FSIP1: variants seen among roughly 807,000 people sequenced by gnomAD.
FSIP1 encodes the protein fibrous sheath interacting protein 1, also known as fibrous sheath-interacting protein 1.
A neutral mutation model predicts 60.9 loss-of-function variants in FSIP1; 65 were observed. That is an observed-to-expected ratio of 1.07 (90% confidence interval 0.87 to 1.31). The LOEUF (loss-of-function observed/expected upper bound fraction) is 1.31. Among genes scored for constraint, FSIP1 ranks in the 40% most tolerant of loss-of-function variants. The probability of loss-of-function intolerance (pLI) is 0.00; values close to 1 mark genes in which losing one functional copy is unlikely to be tolerated. For missense variants in FSIP1, 675 were observed against 665.5 expected (o/e 1.01, Z -0.16); for synonymous variants, 209 against 221.2 (o/e 0.94, Z 0.49).
At chr15:39,728,487 A>G (rs529829043) in intron 8 of FSIP1, among the ~76,000 whole-genome samples, 7 of 152,272 alleles carry the variant, frequency 4.6e-5, no homozygotes, top group African/African-American at 1.7e-4. Context: ...AAAGCCACAC[A>G]CCTACAACCA....
At chr15:39,776,312 A>T (rs1227766739) in intron 2 of FSIP1, 87 bp downstream of exon 2, 36 of 1,304,708 alleles carry the variant, frequency 2.8e-5, no homozygotes, top group Admixed American at 6.6e-5. Context: ...GAGAAAATTT[A>T]AAATGGGATG....
At chr15:39,708,053 T>G (rs1177518796) in intron 10 of FSIP1, among the ~76,000 whole-genome samples, 2 of 152,182 alleles carry the variant, frequency 1.3e-5, no homozygotes, top group African/African-American at 4.8e-5. Context: ...TTATGGTGCC[T>G]ATTCTATGAA....
chr15:39,723,775 G>A (rs1896078737), intron 9 of FSIP1, among the ~76,000 whole-genome samples: 1 of 152,226 alleles, frequency 6.6e-6, no homozygotes, highest in Non-Finnish European at 1.5e-5. Context: ...CAACTGATTG[G>A]AACTCATTCA....
intron 8 of FSIP1, among the ~76,000 whole-genome samples, chr15:39,734,003 T>C (rs1016699287): frequency 6.6e-6 from 1 of 152,172 alleles, no homozygotes; most frequent in African/African-American, 2.4e-5. Context: ...AGAAATAATA[T>C]AAGATAATTT....
At chr15:39,639,314 C>A (rs1224443403) in intron 10 of FSIP1, among the ~76,000 whole-genome samples, 4 of 152,122 alleles carry the variant, frequency 2.6e-5, no homozygotes, top group Non-Finnish European at 5.9e-5. Flanking sequence ...GTTCCTCTGA[C>A]TACCTTTTTT....
chr15:39,716,096 A>G (rs529638898), intron 9 of FSIP1, among the ~76,000 whole-genome samples: 4 of 152,296 alleles, frequency 2.6e-5, no homozygotes, highest in Non-Finnish European at 4.4e-5. Flanking sequence ...CTGAATTATT[A>G]TCAGAAATAT....
At chr15:39,691,769 A>G (rs1894610822) in intron 10 of FSIP1, among the ~76,000 whole-genome samples, 1 of 152,160 alleles carries the variant, frequency 6.6e-6, no homozygotes, top group African/African-American at 2.4e-5. Flanking sequence ...AAAGAGAATT[A>G]TCTGTGAATT....
chr15:39,664,402 G>T (rs1003026221), intron 10 of FSIP1, among the ~76,000 whole-genome samples: 10 of 152,244 alleles, frequency 6.6e-5, no homozygotes, highest in African/African-American at 2.4e-4. Context: ...AATTGGTCTA[G>T]AATCCATCCA....
At chr15:39,723,795 T>C (rs922099386) in intron 9 of FSIP1, among the ~76,000 whole-genome samples, 1 of 152,212 alleles carries the variant, frequency 6.6e-6, no homozygotes, top group East Asian at 1.9e-4. Context: ...ATCAACTACA[T>C]AGATACACAG....
chr15:39,685,977 T>C (rs1894356998), intron 10 of FSIP1, among the ~76,000 whole-genome samples: 1 of 152,208 alleles, frequency 6.6e-6, no homozygotes, highest in Non-Finnish European at 1.5e-5. Flanking sequence ...GCTGACATAA[T>C]TAGCTAAAAA....
At chr15:39,717,932 C>A (rs936151491) in intron 9 of FSIP1, among the ~76,000 whole-genome samples, 1 of 152,218 alleles carries the variant, frequency 6.6e-6, no homozygotes, top group African/African-American at 2.4e-5. Context: ...CTAATTACCG[C>A]TCAAGCGCTC....
chr15:39,663,896 G>A (rs910972115), intron 10 of FSIP1, among the ~76,000 whole-genome samples: 2 of 152,156 alleles, frequency 1.3e-5, no homozygotes, highest in Non-Finnish European at 2.9e-5. Context: ...TAGATATTGT[G>A]CAATGGAATG....
At chr15:39,731,792 G>A (rs998553961) in intron 8 of FSIP1, among the ~76,000 whole-genome samples, 4 of 152,128 alleles carry the variant, frequency 2.6e-5, no homozygotes, top group African/African-American at 9.7e-5. Flanking sequence ...CAGACTCCCC[G>A]ACTCAATACT....
intron 10 of FSIP1, among the ~76,000 whole-genome samples, chr15:39,658,818 C>T (rs546643610): frequency 3.4e-4 from 52 of 152,206 alleles, no homozygotes; most frequent in Admixed American, 3.1e-3. Context: ...AGGTATACAC[C>T]CAAGATAACT....
chr15:39,640,053 C>T (rs776474949), intron 10 of FSIP1, among the ~76,000 whole-genome samples: 5 of 152,298 alleles, frequency 3.3e-5, no homozygotes, highest in Admixed American at 6.5e-5. Context: ...TAAATAAATA[C>T]TTAACGTGTA....
chr15:39,687,405 T>C (rs1476227802), intron 10 of FSIP1, among the ~76,000 whole-genome samples: 5 of 152,128 alleles, frequency 3.3e-5, no homozygotes, highest in African/African-American at 1.2e-4. Flanking sequence ...CCACCCGCCT[T>C]GGCCTCCCAA....
At chr15:39,755,524 C>T (rs998963022) in intron 5 of FSIP1, among the ~76,000 whole-genome samples, 4 of 152,102 alleles carry the variant, frequency 2.6e-5, no homozygotes, top group Non-Finnish European at 5.9e-5. Flanking sequence ...CAAGAGATTG[C>T]TAAACAATGC....
intron 10 of FSIP1, among the ~76,000 whole-genome samples, chr15:39,706,767 T>A (rs142375308): frequency 6.6e-6 from 1 of 152,344 alleles, no homozygotes; most frequent in East Asian, 1.9e-4. Flanking sequence ...TAAAAGTAAT[T>A]ACTGTTAAGC....
Position 39,765,576 on chromosome 15 carries a change from G to T in FSIP1, c.465+16C>A. On this transcript the variant is annotated intron_variant, in intron 4 of 11. Transcript: ENST00000350221. ...TTTATTTCTTACATGTCAGCATAAG[G>T]TTAGATAATTCTTACCTTAATTTCT... The T allele has an allele frequency of 6.4e-7, 1 of 1,559,908 alleles. No homozygotes were observed. Among genetic ancestry groups the T allele is most frequent in the Non-Finnish European group, 8.7e-7 (1 of 1,153,982 alleles).
Sources: allele counts gnomAD v4.1 joint callset (sites outside exome capture counted in the v4.1 genomes callset), GRCh38; gene constraint gnomAD v4.1.1; transcripts MANE v1.5; gene names NCBI Gene and HGNC (gene_info 2026-07-23, HGNC 2026-07-21).